PCDHGA4: variants seen among roughly 807,000 people sequenced by gnomAD.
PCDHGA4 encodes protocadherin gamma-A4.
PCDHGA4 carries 38 observed loss-of-function variants against 54.6 expected under a neutral mutation model. The ratio of observed to expected loss-of-function variants is 0.70; its 90% CI spans 0.54 to 0.91. The LOEUF is 0.91. PCDHGA4 is among the 40% of genes least tolerant of loss of function. The pLI, the probability that PCDHGA4 is intolerant of heterozygous loss-of-function variation, is 0.00. For synonymous variants in PCDHGA4, 511 were observed against 512.9 expected, an observed-to-expected ratio of 1.00 and a Z score of 0.05; for missense variants, 1,298 against 1,220.9, an observed-to-expected ratio of 1.06 and a Z score of -0.94.
intron 1 of PCDHGA4, among the ~76,000 whole-genome samples, chr5:141,381,279 A>G (rs1001552478): frequency 3.3e-5 from 5 of 152,246 alleles, no homozygotes; most frequent in Non-Finnish European, 7.3e-5. Flanking sequence ...GTTTCTTGCC[A>G]GGTCTTTATT....
intron 1 of PCDHGA4, chr5:141,440,761 C>T (rs2098198732): frequency 6.6e-6 from 1 of 152,172 alleles, no homozygotes; most frequent in African/African-American, 2.4e-5. Context: ...GCAGAGCTCC[C>T]ATCCCTTAGT....
At chr5:141,374,414 G>C in intron 1 of PCDHGA4, 1 of 1,614,026 alleles carries the variant, frequency 6.2e-7, no homozygotes, top group South Asian at 1.1e-5. Flanking sequence ...CATCCTTGTC[G>C]AGGATAAACT....
chr5:141,452,148 T>C (rs1294195346), intron 1 of PCDHGA4, among the ~76,000 whole-genome samples: 1 of 152,228 alleles, frequency 6.6e-6, no homozygotes, highest in Non-Finnish European at 1.5e-5. Flanking sequence ...TTTTTTCCAA[T>C]GAGTTATATT....
chr5:141,429,421 C>T (rs1223756901), intron 1 of PCDHGA4, among the ~76,000 whole-genome samples: 1 of 151,486 alleles, frequency 6.6e-6, no homozygotes, highest in Non-Finnish European at 1.5e-5. Context: ...CATTATGTTG[C>T]CCAGGCTGGA....
At chr5:141,438,635 TACAC>T (rs56854727) in intron 1 of PCDHGA4, among the ~76,000 whole-genome samples, 720 of 33,094 alleles carry the variant, frequency 0.022, 7 homozygotes, top group Middle Eastern at 0.05. Context: ...TATATATATA[TACAC>T]ACACACACAC....
chr5:141,385,109 C>T (rs931773405), intron 1 of PCDHGA4: 5 of 1,614,174 alleles, frequency 3.1e-6, no homozygotes, highest in Non-Finnish European at 4.2e-6. Flanking sequence ...AACGTGCCCA[C>T]CTCGCACTTT....
chr5:141,379,025 A>T (rs1320260929), intron 1 of PCDHGA4: 4 of 152,244 alleles, frequency 2.6e-5, no homozygotes, highest in African/African-American at 9.6e-5. Flanking sequence ...GAGTTGGAAG[A>T]TTCTACAATC....
intron 1 of PCDHGA4, chr5:141,365,060 C>T (rs750087491): frequency 1.2e-6 from 2 of 1,613,874 alleles, no homozygotes; most frequent in Admixed American, 1.7e-5. Context: ...CCTGTTCACC[C>T]CATCCGAGTA....
intron 1 of PCDHGA4, chr5:141,398,512 C>G: frequency 1.3e-6 from 2 of 1,588,756 alleles, no homozygotes; most frequent in Non-Finnish European, 1.7e-6. Context: ...CATTAATGAC[C>G]ACACGCCAAA....
chr5:141,401,765 G>C (rs2094191872), intron 1 of PCDHGA4, among the ~76,000 whole-genome samples: 1 of 152,138 alleles, frequency 6.6e-6, no homozygotes. Context: ...CATGGTATAA[G>C]TCTTTTGCTT....
intron 1 of PCDHGA4, chr5:141,421,168 A>G: frequency 1.5e-6 from 2 of 1,331,612 alleles, no homozygotes; most frequent in South Asian, 1.5e-5. Context: ...TCATAGATAC[A>G]TAAGCCGATT....
chr5:141,410,104 C>G, intron 1 of PCDHGA4: 1 of 1,612,582 alleles, frequency 6.2e-7, no homozygotes, highest in Non-Finnish European at 8.5e-7. Context: ...CCTTAGGCGA[C>G]AGGGACGCAG....
At chr5:141,394,584 G>A in intron 1 of PCDHGA4, 1 of 1,613,902 alleles carries the variant, frequency 6.2e-7, no homozygotes. Context: ...GGTGACCAAG[G>A]TGGTGGCGGT....
intron 1 of PCDHGA4, chr5:141,400,231 G>C: frequency 6.2e-7 from 1 of 1,613,988 alleles, no homozygotes; most frequent in South Asian, 1.1e-5. Context: ...CTTCCTCCTG[G>C]CCGTGATTCT....
chr5:141,491,714 C>A lies in PCDHGA4; in HGVS notation c.2515-3093C>A, dbSNP rs1321811999. On this transcript the variant is annotated intron_variant, in intron 1 of 3. Transcript: ENST00000571252. The surrounding 1 kb of genome is among the most constrained non-coding windows in gnomAD (Gnocchi z 6.9). ...GAGCGGAGCCAGGTGAGGGGCTCGG[C>A]GCCGCCCCGGGCGACCCCTGGGGGC... 2 of 1,608,742 alleles carry A rather than the reference C, an allele frequency of 1.2e-6. No individual in the cohort carries two copies. The highest frequency in any genetic ancestry group is 1.7e-6 in the Non-Finnish European group (2 of 1,177,914).
intron 1 of PCDHGA4, 106 bp from the exon 2 acceptor site, chr5:141,494,701 C>T: frequency 6.3e-7 from 1 of 1,594,596 alleles, no homozygotes; most frequent in Admixed American, 1.7e-5. Flanking sequence ...CCGTTTTCTT[C>T]TCTGTGCCCA....
chr5:141,505,891 G>A (rs541853565), intron 3 of PCDHGA4, among the ~76,000 whole-genome samples: 9 of 152,288 alleles, frequency 5.9e-5, no homozygotes, highest in Admixed American at 5.9e-4. Context: ...GATTAAATGA[G>A]ATGATACCAC....
At chr5:141,444,473 G>C (rs943971075) in intron 1 of PCDHGA4, among the ~76,000 whole-genome samples, 6 of 151,972 alleles carry the variant, frequency 3.9e-5, no homozygotes, top group South Asian at 2.1e-4. Flanking sequence ...GCCCGGTCGC[G>C]TACTGGATTT....
Position 141,409,090 on chromosome 5 carries a change from G to C in PCDHGA4, c.2514+51469G>C, listed in dbSNP as rs181368417. 9.9e-5 allele frequency: 159 copies of C among 1,614,024 alleles called. No individual in the cohort carries two copies. The African/African-American group carries it at 1.9e-3, about 19-fold the overall frequency. On this transcript the variant is annotated intron_variant, in intron 1 of 3. Transcript: ENST00000571252. ...CAAAACATATGTTCTCATTGGATGA[G>C]AAAACAGGTATGATTAAGAATAACC...
Sources: gnomAD v4.1 joint callset for allele counts (sites outside exome capture counted in the v4.1 genomes callset) on GRCh38, gnomAD v4.1.1 for gene constraint, Gnocchi (gnomAD v3.1) non-coding constraint, MANE v1.5 for transcripts, NCBI Gene and HGNC (gene_info 2026-07-23, HGNC 2026-07-21) for gene names.